Variants in ASTN2 observed in about 807,000 individuals in gnomAD.
The protein encoded by ASTN2 is astrotactin-2.
In ASTN2, 54 loss-of-function variants were observed where a neutral mutation model predicts 139.8. The ratio of observed to expected loss-of-function variants is 0.39; its 90% CI spans 0.31 to 0.48. ASTN2 has a LOEUF of 0.48. Ranked by LOEUF, ASTN2 falls within the 20% of genes least tolerant of loss-of-function variation. The pLI, the probability that ASTN2 is intolerant of heterozygous loss-of-function variation, is 0.95. For synonymous variants in ASTN2, 756 were observed against 719.5 expected (o/e 1.05, Z -0.81); for missense variants, 1,565 against 1,725.1 (o/e 0.91, Z 1.64).
chr9:116,795,872 C>A (rs989354747), intron 13 of ASTN2, among the ~76,000 whole-genome samples: 13 of 152,150 alleles, frequency 8.5e-5, no homozygotes, highest in Non-Finnish European at 1.8e-4. Flanking sequence ...GGTAAAACAC[C>A]ACTTTATAGT....
At chr9:116,802,954 G>A (rs925889222) in intron 13 of ASTN2, among the ~76,000 whole-genome samples, 1 of 151,874 alleles carries the variant, frequency 6.6e-6, no homozygotes, top group Admixed American at 6.6e-5. Context: ...CACAAACTTT[G>A]TCCTTTGAGA....
intron 7 of ASTN2, among the ~76,000 whole-genome samples, chr9:116,984,717 T>A (rs1836628608): frequency 6.6e-6 from 1 of 152,234 alleles, no homozygotes; most frequent in African/African-American, 2.4e-5. Flanking sequence ...CTGTTGAGTA[T>A]AAGTAATGTC....
chr9:116,994,857 C>T (rs2132557804), intron 7 of ASTN2, among the ~76,000 whole-genome samples: 1 of 152,280 alleles, frequency 6.6e-6, no homozygotes, highest in Admixed American at 6.5e-5. Context: ...TTAGTCACAG[C>T]TATAATAATA....
At chr9:116,933,266 C>G (rs961903617) in intron 10 of ASTN2, among the ~76,000 whole-genome samples, 4 of 152,246 alleles carry the variant, frequency 2.6e-5, no homozygotes, top group African/African-American at 4.8e-5. Context: ...CTGGATTCTT[C>G]TTATTACCTA....
At chr9:117,142,385 C>T (rs889053866) in intron 3 of ASTN2, among the ~76,000 whole-genome samples, 1 of 152,078 alleles carries the variant, frequency 6.6e-6, no homozygotes, top group Non-Finnish European at 1.5e-5. Flanking sequence ...GCAGTGGCAG[C>T]GAAGGTGACA....
At chr9:117,186,417 G>T (rs1249420916) in intron 3 of ASTN2, among the ~76,000 whole-genome samples, 1 of 151,884 alleles carries the variant, frequency 6.6e-6, no homozygotes, top group Non-Finnish European at 1.5e-5. Flanking sequence ...TGTGGTGGCG[G>T]GCGCCTGTAG....
chr9:117,126,213 G>A (rs1829685879), intron 4 of ASTN2, among the ~76,000 whole-genome samples: 1 of 152,158 alleles, frequency 6.6e-6, no homozygotes, highest in Non-Finnish European at 1.5e-5. Context: ...TCAAGTTTCA[G>A]TCTAAGCTCT....
chr9:116,937,566 G>C (rs145408579), intron 10 of ASTN2, among the ~76,000 whole-genome samples: 172 of 152,266 alleles, frequency 1.1e-3, no homozygotes, highest in African/African-American at 3.8e-3. Flanking sequence ...CACATAATGA[G>C]TAGGCCTTCC....
Position 116,729,009 on chromosome 9 carries a change from G to C in ASTN2, c.2609C>G (p.Thr870Ser), listed in dbSNP as rs780310812. ...GTCCTCACCTGCTGCGAGGGTGATG[G>C]TGCTGAGCTTCACACGGTAGAGGTT... ...RSNLYRVKLSTITLAAGFTNV... is the reference protein window; with the variant it reads ...RSNLYRVKLSSITLAAGFTNV... The change falls in exon 15 of 23, where the codon ACC (threonine) becomes AGC (serine). Residue 870 changes from threonine to serine, a missense_variant. Coordinates refer to ENST00000313400, the MANE Select transcript of ASTN2 (RefSeq NM_001365068.1). 5.7e-6 allele frequency: 9 copies of C among 1,585,364 alleles called. No homozygotes were observed. The Admixed American group carries it at 1.4e-4, about 25-fold the overall frequency.
intron 6 of ASTN2, among the ~76,000 whole-genome samples, chr9:117,031,422 G>C (rs997071457): frequency 6.6e-6 from 1 of 152,148 alleles, no homozygotes; most frequent in African/African-American, 2.4e-5. Flanking sequence ...TCTAACCATT[G>C]AATTAACTTT....
chr9:116,448,324 G>A (rs1307247110), intron 20 of ASTN2, among the ~76,000 whole-genome samples: 1 of 150,182 alleles, frequency 6.7e-6, no homozygotes, highest in African/African-American at 2.5e-5. Flanking sequence ...GCACAATGTG[G>A]CAGACAGGGG....
chr9:116,813,234 A>T (rs1564281676), intron 12 of ASTN2, among the ~76,000 whole-genome samples: 1 of 152,176 alleles, frequency 6.6e-6, no homozygotes, highest in Non-Finnish European at 1.5e-5. Context: ...AAGGCAATGG[A>T]TGTGTTACCC....
intron 3 of ASTN2, among the ~76,000 whole-genome samples, chr9:117,167,655 T>C (rs902992108): frequency 1.3e-5 from 2 of 152,244 alleles, no homozygotes. Context: ...AAAAAATATC[T>C]ATTTAGTACA....
chr9:116,838,723 G>T (rs1256071798), intron 11 of ASTN2, among the ~76,000 whole-genome samples: 1 of 151,930 alleles, frequency 6.6e-6, no homozygotes, highest in Non-Finnish European at 1.5e-5. Flanking sequence ...GAGCCACTGC[G>T]CCCTGCCTGG....
chr9:116,758,760 C>G (rs1191766825), intron 13 of ASTN2, among the ~76,000 whole-genome samples: 1 of 152,174 alleles, frequency 6.6e-6, no homozygotes, highest in Non-Finnish European at 1.5e-5. Context: ...CCCAAGAACA[C>G]TGGGGCAGGT....
At chr9:117,115,800 A>C (rs988433855) in intron 4 of ASTN2, among the ~76,000 whole-genome samples, 21 of 152,052 alleles carry the variant, frequency 1.4e-4, no homozygotes, top group Non-Finnish European at 2.6e-4. Context: ...CCAAGGCAGG[A>C]GGATCACGAA....
At chr9:117,230,417 G>C (rs1220228846) in intron 2 of ASTN2, among the ~76,000 whole-genome samples, 1 of 152,004 alleles carries the variant, frequency 6.6e-6, no homozygotes, top group Non-Finnish European at 1.5e-5. Context: ...TCTCCCCTGT[G>C]TCTCTCTCCA....
At chr9:117,282,706 C>A (rs912938899) in intron 2 of ASTN2, among the ~76,000 whole-genome samples, 1 of 140,110 alleles carries the variant, frequency 7.1e-6, no homozygotes, top group African/African-American at 3.3e-5. Context: ...CTTGCTCATT[C>A]CCTCTGCCAT....
chr9:117,176,414 A>T (rs1830917773), intron 3 of ASTN2, among the ~76,000 whole-genome samples: 1 of 152,224 alleles, frequency 6.6e-6, no homozygotes, highest in South Asian at 2.1e-4. Context: ...GTGTAATTTA[A>T]CATTTTAAAT....
Sources: gnomAD v4.1 joint callset for allele counts (sites outside exome capture counted in the v4.1 genomes callset) on GRCh38, gnomAD v4.1.1 for gene constraint, MANE v1.5 for transcripts, NCBI Gene and HGNC (gene_info 2026-07-23, HGNC 2026-07-21) for gene names.